Variants in CYP3A5 observed in about 807,000 individuals in gnomAD.
The protein encoded by CYP3A5 is cytochrome P450 3A5.
In CYP3A5, 51 loss-of-function variants were observed where a neutral mutation model predicts 55.9. That is an observed-to-expected ratio of 0.91 (90% CI 0.73 to 1.15). CYP3A5 has a LOEUF of 1.15. Among genes scored for constraint, CYP3A5 ranks in the 50% most tolerant of loss-of-function variants. The pLI, the probability that CYP3A5 is intolerant of heterozygous loss-of-function variation, is 0.00. For missense variants in CYP3A5, 533 were observed against 596.6 expected (o/e 0.89, Z 1.11); for synonymous variants, 196 against 213.9 (o/e 0.92, Z 0.73).
intron 4 of CYP3A5, among the ~76,000 whole-genome samples, 162 bp downstream of exon 4, chr7:99,672,418 A>C (rs1354868850): frequency 5.3e-5 from 8 of 152,214 alleles, no homozygotes; most frequent in Non-Finnish European, 1.5e-5. Flanking sequence ...ATTGCAATAT[A>C]CAAGATTGCA....
intron 4 of CYP3A5, among the ~76,000 whole-genome samples, chr7:99,669,532 A>G (rs548869709): frequency 1.3e-5 from 2 of 152,334 alleles, no homozygotes; most frequent in South Asian, 4.1e-4. Flanking sequence ...TGATATTTCT[A>G]AAATCAGTTT....
Position 99,660,543 on chromosome 7 carries a change from G to T in CYP3A5, c.982C>A (p.Gln328Lys). The T allele has an allele frequency of 6.2e-7, 1 of 1,613,690 alleles. No individual in the cohort carries two copies. Among genetic ancestry groups the T allele is most frequent in the South Asian group, 1.1e-5 (1 of 91,030 alleles). ...LYELATHPDV[Q>K]QKLQKEIDAV... ...TCAATCTCCTTTTGCAGTTTCTGCT[G>T]GACATCAGGGTGAGTGGCCAGTTCA... Residue 328 changes from glutamine to lysine, a missense_variant, in exon 10 of 13, where the codon CAG (glutamine) becomes AAG (lysine). By Grantham distance (53) the Gln-to-Lys change is moderately conservative. Transcript: ENST00000222982.
chr7:99,660,788 G>C (rs1810360968), intron 9 of CYP3A5, 129 bp from the exon 10 acceptor site: 1 of 1,129,864 alleles, frequency 8.9e-7, no homozygotes, highest in South Asian at 1.4e-5. Flanking sequence ...GTCACACTGG[G>C]AGTGGTTTTC....
chr7:99,649,851 A>G (rs1156492230), intron 12 of CYP3A5, among the ~76,000 whole-genome samples: 1 of 152,162 alleles, frequency 6.6e-6, no homozygotes, highest in Non-Finnish European at 1.5e-5. Flanking sequence ...GAGACTACAC[A>G]TAATCATGTC....
intron 1 of CYP3A5, among the ~76,000 whole-genome samples, chr7:99,678,186 A>G (rs988284206): frequency 6.6e-6 from 1 of 152,212 alleles, no homozygotes; most frequent in African/African-American, 2.4e-5. Context: ...GGCCCACAAC[A>G]TGGCAGACCA....
rs1809430534 is a variant in CYP3A5 at position 99,653,873 on chromosome 7, C to T, written c.1027-1094G>A. ...GAGTTTAGCTCAGGAGTCAGATACC[C>T]TGGTTCCTAGCTTGGCTTCTTGGCC... is the stretch of plus-strand genomic sequence containing the variant. On this transcript the variant is annotated intron_variant, in intron 10 of 12. Coordinates refer to ENST00000222982, the MANE Select transcript of CYP3A5 (RefSeq NM_000777.5). The surrounding 1 kb of genome is among the most constrained non-coding windows in gnomAD (Gnocchi z 4.2). Among the ~76,000 whole-genome samples, 1 of 152,192 alleles carries T rather than the reference C, an allele frequency of 6.6e-6. No homozygotes were observed. Among genetic ancestry groups the T allele is most frequent in the Admixed American group, 6.5e-5 (1 of 15,280 alleles).
chr7:99,660,850 C>T (rs1295084562), intron 9 of CYP3A5, among the ~76,000 whole-genome samples, 191 bp from the exon 10 acceptor site: 1 of 152,104 alleles, frequency 6.6e-6, no homozygotes, highest in Non-Finnish European at 1.5e-5. Context: ...TCATTTTAAT[C>T]CAGGTTTTCC....
chr7:99,665,100 A>T (rs1210684196), intron 7 of CYP3A5, 66 bp downstream of exon 7: 1 of 1,311,860 alleles, frequency 7.6e-7, no homozygotes, highest in African/African-American at 1.5e-5. Context: ...ATTATACGAT[A>T]TGTGAATTAT....
chr7:99,661,829 A>G (rs1810478179), intron 9 of CYP3A5, among the ~76,000 whole-genome samples: 1 of 152,208 alleles, frequency 6.6e-6, no homozygotes, highest in Non-Finnish European at 1.5e-5. Flanking sequence ...TAAAGTTGGG[A>G]GCTCTGCTGT....
At chr7:99,677,344 T>C in intron 1 of CYP3A5, 1 of 694,954 alleles carries the variant, frequency 1.4e-6, no homozygotes, top group Middle Eastern at 7.2e-4. Context: ...TACAAAAATG[T>C]GGCTGAAAAA....
chr7:99,653,250 A>G lies in CYP3A5; in HGVS notation c.1027-471T>C, dbSNP rs1809362261. Among the ~76,000 whole-genome samples, 1 of 152,200 alleles carries G rather than the reference A, an allele frequency of 6.6e-6. No individual in the cohort carries two copies. The highest frequency in any genetic ancestry group is 1.5e-5 in the Non-Finnish European group (1 of 68,032). ...CTTGGTAACTCTTTTGAGGAGTTTGAGACCAGCTTGGGAAACATGGTGAAA... is the reference window on the plus strand; with the variant it reads ...CTTGGTAACTCTTTTGAGGAGTTTGGGACCAGCTTGGGAAACATGGTGAAA... On this transcript the variant is annotated intron_variant, in intron 10 of 12. Coordinates refer to ENST00000222982, the MANE Select transcript of CYP3A5 (RefSeq NM_000777.5). This position sits in a 1 kb window ranked among gnomAD's most constrained non-coding sequence, Gnocchi z 4.2.
At chr7:99,674,495 T>G in intron 3 of CYP3A5, 38 bp downstream of exon 3, 1 of 1,551,586 alleles carries the variant, frequency 6.4e-7, no homozygotes, top group South Asian at 1.1e-5. Flanking sequence ...CTCCTCACAG[T>G]AGCAGGTCTA....
intron 11 of CYP3A5, among the ~76,000 whole-genome samples, chr7:99,651,893 A>G (rs1317501952): frequency 6.6e-6 from 1 of 152,234 alleles, no homozygotes; most frequent in Non-Finnish European, 1.5e-5. Flanking sequence ...AGATAGGACC[A>G]GGAGGACCTG....
At chr7:99,677,762 T>G (rs1223690127) in intron 1 of CYP3A5, among the ~76,000 whole-genome samples, 2 of 152,196 alleles carry the variant, frequency 1.3e-5, no homozygotes, top group Non-Finnish European at 2.9e-5. Flanking sequence ...TATTCCCACT[T>G]CAGTTCCCTC....
At position 99,660,522 on chromosome 7, in the gene CYP3A5, T is replaced by C. The variant is rs1810324610; in HGVS notation, c.1003A>G (p.Ile335Val). 6.2e-7 allele frequency: 1 copy of C among 1,613,062 alleles called. No homozygotes were observed. The highest frequency in any genetic ancestry group is 8.5e-7 in the Non-Finnish European group (1 of 1,179,558). The change falls in exon 10 of 13, where the codon ATT becomes GTT. Residue 335 changes from isoleucine to valine, a missense_variant. By Grantham distance (29) the Ile-to-Val change is conservative. Transcript: ENST00000222982. ...ACCTTATTGGGCAAAACTGCATCAA[T>C]CTCCTTTTGCAGTTTCTGCTGGACA... ...PDVQQKLQKE[I>V]DAVLPNKAPP...
At chr7:99,663,889 G>A in intron 8 of CYP3A5, 79 bp downstream of exon 8, 10 of 1,475,298 alleles carry the variant, frequency 6.8e-6, no homozygotes, top group Non-Finnish European at 8.0e-6. Flanking sequence ...TAAAAATACA[G>A]ATACATGCTC....
chr7:99,675,908 C>G (rs1051655060), intron 2 of CYP3A5, among the ~76,000 whole-genome samples: 2 of 151,090 alleles, frequency 1.3e-5, no homozygotes, highest in African/African-American at 4.9e-5. Flanking sequence ...GTTGCCCAGG[C>G]TGTTCTCAAA....
At position 99,650,182 on chromosome 7, in the gene CYP3A5, C is replaced by T. The variant is rs1035394246; in HGVS notation, c.1304G>A (p.Gly435Glu). ...SIDPYIYTPF[G>E]TGPRNCIGMR... ...GCCAATGCAGTTTCTGGGTCCAGTT[C>T]CAAAGGGTGTGTATATGTAAGGATC... The change falls in exon 12 of 13, where the codon GGA (glycine) becomes GAA (glutamate). Residue 435 changes from glycine to glutamate, a missense_variant. Gly to Glu is a moderately conservative substitution (Grantham distance 98). Coordinates refer to ENST00000222982, the MANE Select transcript of CYP3A5 (RefSeq NM_000777.5). 4 of 1,613,950 alleles carry T rather than the reference C, an allele frequency of 2.5e-6. No homozygotes were observed. In the African/African-American group the frequency reaches 4.0e-5, roughly 16 times the overall value.
intron 12 of CYP3A5, 105 bp from the exon 13 acceptor site, chr7:99,648,505 A>G (rs1014084254): frequency 2.9e-6 from 2 of 696,908 alleles, no homozygotes; most frequent in South Asian, 1.8e-5. Context: ...GCAAGCATAT[A>G]AAAACGACTC....
Sources: allele counts gnomAD v4.1 joint callset (sites outside exome capture counted in the v4.1 genomes callset), GRCh38; gene constraint gnomAD v4.1.1; non-coding constraint Gnocchi (gnomAD v3.1); transcripts MANE v1.5; gene names NCBI Gene and HGNC (gene_info 2026-07-23, HGNC 2026-07-21).